The following ARHGEF28 variants were observed in gnomAD, a reference collection of about 807,000 sequenced individuals.
ARHGEF28 encodes the protein Rho guanine nucleotide exchange factor 28, also known as 190 kDa guanine nucleotide exchange factor.
ARHGEF28 carries 152 observed loss-of-function variants against 206.6 expected under a neutral mutation model. That is an observed-to-expected ratio of 0.74 (90% confidence interval 0.64 to 0.84). The LOEUF (loss-of-function observed/expected upper bound fraction) is 0.84, where lower values mean the gene tolerates loss of function less well. Ranked by LOEUF, ARHGEF28 falls within the 40% of genes least tolerant of loss-of-function variation. The pLI is 0.00. For synonymous variants in ARHGEF28, 763 were observed against 776.4 expected (o/e 0.98, Z 0.29); for missense variants, 2,028 against 2,073.2 (o/e 0.98, Z 0.42).
In ARHGEF28 at chr5:73,732,063, C is replaced by A. The variant is rs141611720; in HGVS notation, c.34-17774C>A. Among the ~76,000 whole-genome samples the A allele has an allele frequency of 3.9e-3, 579 of 147,508 alleles. 1 individual carries two copies. Among genetic ancestry groups the A allele is most frequent in the African/African-American group, 0.014 (548 of 39,744 alleles). ...AATTGATGAACTAACATTGACACATCATCATCATCGAAAATCTGTAGTTTA... is the reference window on the plus strand; with the variant it reads ...AATTGATGAACTAACATTGACACATAATCATCATCGAAAATCTGTAGTTTA... On this transcript the variant is annotated intron_variant, in intron 2 of 35. Transcript: ENST00000513042.
At chr5:73,928,176 C>G (rs576115139) in intron 35 of ARHGEF28, among the ~76,000 whole-genome samples, 1 of 152,170 alleles carries the variant, frequency 6.6e-6, no homozygotes, top group South Asian at 2.1e-4. Flanking sequence ...CCCAGCACTT[C>G]GGGAGGCCGA....
chr5:73,768,903 G>A (rs1753059101), intron 4 of ARHGEF28, among the ~76,000 whole-genome samples: 1 of 151,918 alleles, frequency 6.6e-6, no homozygotes, highest in Admixed American at 6.6e-5. Flanking sequence ...TATGGGGATG[G>A]GTCTTTCCTG....
chr5:73,792,895 G>A (rs1754567926), intron 7 of ARHGEF28, among the ~76,000 whole-genome samples: 1 of 152,094 alleles, frequency 6.6e-6, no homozygotes, highest in African/African-American at 2.4e-5. Context: ...AGCCCATTTT[G>A]ACATTCCTAC....
At chr5:73,804,739 TG>T (rs1446197953) in intron 9 of ARHGEF28, among the ~76,000 whole-genome samples, 2 of 152,134 alleles carry the variant, frequency 1.3e-5, no homozygotes, top group Non-Finnish European at 2.9e-5. Context: ...TTATGGGTTT[TG>T]GGAAGAAGAC....
chr5:73,799,836 A>G (rs890979818), intron 9 of ARHGEF28, among the ~76,000 whole-genome samples: 1 of 152,184 alleles, frequency 6.6e-6, no homozygotes, highest in Non-Finnish European at 1.5e-5. Flanking sequence ...ACATGAGGAT[A>G]GCACTGGCTG....
intron 2 of ARHGEF28, among the ~76,000 whole-genome samples, chr5:73,702,018 G>T (rs866632186): frequency 5.1e-4 from 77 of 152,272 alleles, no homozygotes; most frequent in African/African-American, 1.6e-3. Flanking sequence ...TGGGATAAAC[G>T]TCCAGGAGTA....
intron 22 of ARHGEF28, among the ~76,000 whole-genome samples, chr5:73,873,823 T>G (rs530268235): frequency 6.6e-6 from 1 of 152,334 alleles, no homozygotes; most frequent in African/African-American, 2.4e-5. Context: ...TAAATAAAGC[T>G]GCTATGAACA....
intron 26 of ARHGEF28, among the ~76,000 whole-genome samples, chr5:73,887,899 A>G (rs903434701): frequency 6.6e-6 from 1 of 152,252 alleles, no homozygotes; most frequent in Non-Finnish European, 1.5e-5. Flanking sequence ...GCTGGTACTC[A>G]GCTGGTTCAG....
chr5:73,726,648 G>C (rs886228908), intron 2 of ARHGEF28, among the ~76,000 whole-genome samples: 1 of 152,154 alleles, frequency 6.6e-6, no homozygotes. Flanking sequence ...GCTGAATAGC[G>C]TTTCAGGGTG....
chr5:73,696,894 G>T (rs1435117599), intron 2 of ARHGEF28, among the ~76,000 whole-genome samples: 3 of 152,196 alleles, frequency 2.0e-5, no homozygotes, highest in Non-Finnish European at 4.4e-5. Context: ...TTCCCAGCAG[G>T]TATGTGACCA....
chr5:73,789,438 A>G (rs2112476459), intron 7 of ARHGEF28, among the ~76,000 whole-genome samples: 1 of 152,248 alleles, frequency 6.6e-6, no homozygotes, highest in Non-Finnish European at 1.5e-5. Flanking sequence ...AGCGATTGCT[A>G]ATGCGTGTGG....
chr5:73,647,985 GAATT>G (rs1171422533), intron 1 of ARHGEF28, among the ~76,000 whole-genome samples: 1 of 152,186 alleles, frequency 6.6e-6, no homozygotes, highest in Non-Finnish European at 1.5e-5. Flanking sequence ...GTGAATGATT[GAATT>G]AATTGAGTGA....
At chr5:73,773,384 C>A (rs1753339714) in intron 4 of ARHGEF28, among the ~76,000 whole-genome samples, 1 of 152,198 alleles carries the variant, frequency 6.6e-6, no homozygotes, top group Admixed American at 6.5e-5. Flanking sequence ...CTTGCGGCTT[C>A]TTATCAGGGG....
At chr5:73,816,097 T>C (rs1006496435) in intron 9 of ARHGEF28, among the ~76,000 whole-genome samples, 5 of 152,134 alleles carry the variant, frequency 3.3e-5, no homozygotes, top group African/African-American at 7.2e-5. Flanking sequence ...GTTATTCATA[T>C]GTTCAACAAA....
At chr5:73,632,936 T>C (rs975405390) in intron 1 of ARHGEF28, among the ~76,000 whole-genome samples, 6 of 152,020 alleles carry the variant, frequency 3.9e-5, no homozygotes, top group African/African-American at 1.5e-4. Flanking sequence ...TATAATGAAA[T>C]AATAATACAA....
At chr5:73,818,949 G>A (rs964023194) in intron 9 of ARHGEF28, among the ~76,000 whole-genome samples, 5 of 152,122 alleles carry the variant, frequency 3.3e-5, no homozygotes, top group Non-Finnish European at 5.9e-5. Context: ...AATTACGTAA[G>A]GTAGAAAGTG....
At chr5:73,791,170 C>T (rs968667699) in intron 7 of ARHGEF28, among the ~76,000 whole-genome samples, 8 of 152,210 alleles carry the variant, frequency 5.3e-5, no homozygotes, top group African/African-American at 1.9e-4. Context: ...TATTCAGCAC[C>T]TGTTAAGTGC....
At chr5:73,925,116 T>C (rs1318723470) in intron 35 of ARHGEF28, among the ~76,000 whole-genome samples, 1 of 152,108 alleles carries the variant, frequency 6.6e-6, no homozygotes, top group Non-Finnish European at 1.5e-5. Context: ...TGGATAAGGG[T>C]TGGTATCCAG....
intron 1 of ARHGEF28, among the ~76,000 whole-genome samples, chr5:73,637,853 G>A (rs541363383): frequency 9.6e-4 from 146 of 152,240 alleles, no homozygotes; most frequent in African/African-American, 3.2e-3. Flanking sequence ...ATGGACCAGC[G>A]TGCTCTCAGC....
Sources: allele counts gnomAD v4.1 joint callset (sites outside exome capture counted in the v4.1 genomes callset), GRCh38; gene constraint gnomAD v4.1.1; transcripts MANE v1.5; gene names NCBI Gene and HGNC (gene_info 2026-07-23, HGNC 2026-07-21).